BLM: variants seen among roughly 807,000 people sequenced by gnomAD.
BLM encodes the protein recQ-like DNA helicase BLM.
A neutral mutation model predicts 135.3 loss-of-function variants in BLM; 95 were observed. That is an observed-to-expected ratio of 0.70 (90% CI 0.59 to 0.83). BLM has a LOEUF of 0.83. Among genes scored for constraint, BLM ranks in the 40% least tolerant of loss-of-function variants. BLM has a pLI of 0.00. For synonymous variants in BLM, 520 were observed against 589.2 expected (o/e 0.88, Z 1.70); for missense variants, 1,518 against 1,663.9 (o/e 0.91, Z 1.53).
chr15:90,742,697 TGA>T (rs1294595405), intron 1 of BLM, among the ~76,000 whole-genome samples: 6 of 151,814 alleles, frequency 4.0e-5, no homozygotes, highest in Admixed American at 3.9e-4. Flanking sequence ...TGCAGTGGGG[TGA>T]TCATGGCTCA....
intron 12 of BLM, among the ~76,000 whole-genome samples, chr15:90,775,287 G>A (rs1384315724): frequency 6.6e-6 from 1 of 152,062 alleles, no homozygotes; most frequent in Non-Finnish European, 1.5e-5. Flanking sequence ...ATGGAGGAAG[G>A]AAGATGAGTA....
intron 12 of BLM, among the ~76,000 whole-genome samples, chr15:90,770,411 C>T (rs774490016): frequency 3.3e-5 from 5 of 152,100 alleles, no homozygotes; most frequent in East Asian, 1.9e-4. Flanking sequence ...CTCCTGACCT[C>T]GTGATCCGCC....
At position 90,769,505 on chromosome 15, in the gene BLM, C is replaced by T. The variant is rs749632465; in HGVS notation, c.2474C>T (p.Pro825Leu). Residue 825 changes from proline (P) to leucine (L), a missense_variant, in exon 12 of 22, where the codon CCG becomes CTG. Pro to Leu is a moderately conservative substitution (Grantham distance 98, BLOSUM62 -3). Coordinates refer to ENST00000355112, the MANE Select transcript of BLM (RefSeq NM_000057.4). ...NMLRQKFPSV[P>L]VMALTATANP... is the part of the protein sequence containing the mutation. ...CTTCGCCAGAAGTTTCCTTCTGTTC[C>T]GGTGATGGCTCTTACGGCCACAGCT... 2.4e-5 allele frequency: 39 copies of T among 1,613,792 alleles called. No homozygotes were observed. Among genetic ancestry groups the T allele is most frequent in the Middle Eastern group, 1.6e-4 (1 of 6,084 alleles).
intron 14 of BLM, among the ~76,000 whole-genome samples, chr15:90,787,251 C>T (rs1242527424): frequency 6.6e-6 from 1 of 151,662 alleles, no homozygotes; most frequent in Non-Finnish European, 1.5e-5. Flanking sequence ...ACGAGGGTTT[C>T]ACCACGTTAG....
intron 17 of BLM, among the ~76,000 whole-genome samples, chr15:90,800,462 C>T (rs113216645): frequency 0.15 from 23,319 of 152,006 alleles, 1,897 homozygotes; most frequent in Non-Finnish European, 0.19. Flanking sequence ...GCGGGCGGAT[C>T]ACAAGGTCAG....
At chr15:90,735,820 A>C (rs960151678) in intron 1 of BLM, among the ~76,000 whole-genome samples, 3 of 152,188 alleles carry the variant, frequency 2.0e-5, no homozygotes, top group Non-Finnish European at 4.4e-5. Flanking sequence ...TGATTACAAA[A>C]ATGAAAAACA....
At chr15:90,752,209 T>C (rs1262895551) in intron 4 of BLM, among the ~76,000 whole-genome samples, 1 of 151,370 alleles carries the variant, frequency 6.6e-6, no homozygotes, top group Non-Finnish European at 1.5e-5. Flanking sequence ...ACAGTCTCGC[T>C]CTGTCACCCA....
chr15:90,810,664 T>C (rs527427038), intron 20 of BLM, among the ~76,000 whole-genome samples: 41 of 152,346 alleles, frequency 2.7e-4, no homozygotes, highest in African/African-American at 9.9e-4. Flanking sequence ...TGTGACATGT[T>C]CAGCCATATT....
At chr15:90,780,394 T>C (rs1211236872) in intron 12 of BLM, among the ~76,000 whole-genome samples, 2 of 152,172 alleles carry the variant, frequency 1.3e-5, no homozygotes, top group African/African-American at 4.8e-5. Context: ...GGATGTCTTT[T>C]TTCTAATTAG....
intron 17 of BLM, among the ~76,000 whole-genome samples, chr15:90,801,357 G>A (rs1596265834): frequency 6.6e-6 from 1 of 152,176 alleles, no homozygotes. Context: ...AGATGTAAAT[G>A]TTAATATTGA....
At chr15:90,802,139 G>C (rs1307338914) in intron 17 of BLM, among the ~76,000 whole-genome samples, 1 of 152,162 alleles carries the variant, frequency 6.6e-6, no homozygotes, top group African/African-American at 2.4e-5. Context: ...CCTATCATTA[G>C]CAGAACGGTA....
intron 12 of BLM, among the ~76,000 whole-genome samples, chr15:90,773,986 G>A (rs1896399559): frequency 6.6e-6 from 1 of 150,770 alleles, no homozygotes; most frequent in South Asian, 2.1e-4. Flanking sequence ...TATTTCTCTT[G>A]GGTTGCTGGG....
chr15:90,733,788 G>A lies in BLM; in HGVS notation c.-4-13601G>A, dbSNP rs1282301127. On this transcript the variant is annotated intron_variant, in intron 1 of 21. Coordinates refer to ENST00000355112, the MANE Select transcript of BLM (RefSeq NM_000057.4). The stretch of plus-strand genomic sequence containing the variant: ...AAGTTTCCTCATCCCCCTTAATTCT[G>A]CCTTCTTGCTCTCTTCTTGCCGGTC... 2.0e-5 allele frequency among the ~76,000 whole-genome samples: 3 copies of A among 152,140 alleles called. No individual in the cohort carries two copies. The East Asian group carries it at 5.8e-4, about 29-fold the overall frequency.
rs942432763 is a variant in BLM, at chr15:90,763,213, G to A, written c.2074+56G>A. On this transcript the variant is annotated intron_variant, in intron 8 of 21. Transcript: ENST00000355112. Reference sequence around the variant, plus strand: ...ATCCATTGGCAGATGTTAAATGAAAGCTCTTTAATAGAAATAAAAAGACCA... The same window carrying A: ...ATCCATTGGCAGATGTTAAATGAAAACTCTTTAATAGAAATAAAAAGACCA... 4 of 1,572,266 alleles carry A rather than the reference G, an allele frequency of 2.5e-6. No homozygotes were observed. The South Asian group carries it at 3.3e-5, about 13-fold the overall frequency.
At chr15:90,767,158 A>G (rs984952637) in intron 10 of BLM, 135 bp downstream of exon 10, 2 of 583,602 alleles carry the variant, frequency 3.4e-6, no homozygotes, top group Non-Finnish European at 6.0e-6. Flanking sequence ...CCCAAATGGT[A>G]ACATTTTACT....
rs751765688 is a variant in BLM, at chr15:90,803,533, C to T, written c.3371C>T (p.Ala1124Val). ...ATCTTCTTATCAGGGAGTAAGAGTG[C>T]AAAAATCCAGTCAGGTATATTTGGA... is the stretch of plus-strand genomic sequence containing the variant. ...LVDIFLGSKS[A>V]KIQSGIFGKG... Residue 1124 changes from alanine to valine, a missense_variant, in exon 18 of 22, where the codon GCA (alanine) becomes GTA (valine). Physicochemically the swap from Ala to Val is moderately conservative, Grantham distance 64. Transcript: ENST00000355112. The T allele has an allele frequency of 6.2e-7, 1 of 1,613,486 alleles. No homozygotes were observed. The highest frequency in any genetic ancestry group is 8.5e-7 in the Non-Finnish European group (1 of 1,179,520).
chr15:90,780,373 G>A (rs571917742), intron 12 of BLM, among the ~76,000 whole-genome samples: 17 of 152,140 alleles, frequency 1.1e-4, no homozygotes, highest in African/African-American at 2.9e-4. Context: ...GTGAGCCACC[G>A]CGCCCGTCCA....
At chr15:90,766,665 T>C (rs1236312915) in intron 9 of BLM, among the ~76,000 whole-genome samples, 1 of 152,142 alleles carries the variant, frequency 6.6e-6, no homozygotes, top group Non-Finnish European at 1.5e-5. Flanking sequence ...TGACCCCAAG[T>C]GATCCACCTG....
In BLM at chr15:90,804,334, T is replaced by TA. The variant is rs367543021; in HGVS notation, c.3727dup (p.Thr1243AsnfsTer14). The TA allele has an allele frequency of 1.2e-6, 2 of 1,614,030 alleles. No individual in the cohort carries two copies. The highest frequency in any genetic ancestry group is 1.7e-6 in the Non-Finnish European group (2 of 1,179,964). On this transcript the variant is annotated frameshift_variant, in exon 19 of 22. Transcript: ENST00000355112. LOFTEE classifies it high-confidence loss of function. ...GTGTCCATTACTTCAATATTTTTAA[T>TA]ACCGTCACTCTCAAGAAGCTTGCAG... is the stretch of plus-strand genomic sequence containing the variant.
Sources: gnomAD v4.1 joint callset for allele counts (sites outside exome capture counted in the v4.1 genomes callset) on GRCh38, gnomAD v4.1.1 for gene constraint, MANE v1.5 for transcripts, NCBI Gene and HGNC (gene_info 2026-07-23, HGNC 2026-07-21) for gene names.